The following PLXNA2 variants were observed in gnomAD, a reference collection of about 807,000 sequenced individuals.
PLXNA2 encodes the protein plexin A2.
PLXNA2 carries 91 observed loss-of-function variants against 193.5 expected under a neutral mutation model. The ratio of observed to expected loss-of-function variants is 0.47; its 90% CI spans 0.40 to 0.56. The LOEUF is 0.56. Among genes scored for constraint, PLXNA2 ranks in the 20% least tolerant of loss-of-function variants. PLXNA2 has a pLI of 0.00. For missense variants in PLXNA2, 1,995 were observed against 2,503.2 expected (o/e 0.80, Z 4.33); for synonymous variants, 997 against 1,027.3 (o/e 0.97, Z 0.56).
At chr1:208,080,598 C>T (rs1247715127) in intron 11 of PLXNA2, among the ~76,000 whole-genome samples, 10 of 152,306 alleles carry the variant, frequency 6.6e-5, no homozygotes, top group African/African-American at 2.2e-4. Flanking sequence ...AGGTCCTCAT[C>T]CTGTTCCTCT....
chr1:208,212,931 C>T (rs112149763), intron 2 of PLXNA2, among the ~76,000 whole-genome samples: 1 of 152,310 alleles, frequency 6.6e-6, no homozygotes, highest in African/African-American at 2.4e-5. Flanking sequence ...TCAGTTTTCT[C>T]ATCTGTAAAG....
intron 12 of PLXNA2, among the ~76,000 whole-genome samples, chr1:208,073,370 C>T (rs1406585344): frequency 6.6e-6 from 1 of 152,168 alleles, no homozygotes; most frequent in Admixed American, 6.5e-5. Context: ...GCCTGCAGGG[C>T]AGTCAGTTTC....
chr1:208,148,057 C>G lies in PLXNA2; in HGVS notation c.1372-5594G>C, dbSNP rs115065953. ...AAATAGTAACCCCATTAGTACCTTT[C>G]CTTTAAATCACAGCTATATCTGGAC... is the stretch of plus-strand genomic sequence containing the variant. On this transcript the variant is annotated intron_variant, in intron 3 of 31. Coordinates refer to ENST00000367033, the MANE Select transcript of PLXNA2 (RefSeq NM_025179.4). Among the ~76,000 whole-genome samples, 370 of 152,324 alleles carry G rather than the reference C, an allele frequency of 2.4e-3. 3 individuals carry two copies. Among genetic ancestry groups the G allele is most frequent in the Admixed American group, 6.5e-3 (100 of 15,302 alleles).
chr1:208,117,487 G>T (rs1025561407), intron 4 of PLXNA2, among the ~76,000 whole-genome samples: 7 of 152,186 alleles, frequency 4.6e-5, no homozygotes, highest in Non-Finnish European at 8.8e-5. Flanking sequence ...CTGTCCAAAA[G>T]ACCCCCTGGA....
At chr1:208,163,472 G>A (rs1366161287) in intron 3 of PLXNA2, among the ~76,000 whole-genome samples, 2 of 152,104 alleles carry the variant, frequency 1.3e-5, no homozygotes, top group Non-Finnish European at 2.9e-5. Flanking sequence ...GAGAGAGAGG[G>A]AGCAGTATGG....
chr1:208,169,776 G>A (rs553334164), intron 3 of PLXNA2, among the ~76,000 whole-genome samples: 389 of 152,204 alleles, frequency 2.6e-3, no homozygotes, highest in Non-Finnish European at 4.6e-3. Context: ...CGATTATGGT[G>A]CAAATCAAGT....
intron 4 of PLXNA2, among the ~76,000 whole-genome samples, chr1:208,138,354 G>A (rs1043880374): frequency 2.5e-4 from 38 of 152,334 alleles, no homozygotes; most frequent in Middle Eastern, 6.8e-3. Context: ...AGTGTTCTGA[G>A]CATGTTTAAG....
In PLXNA2 at chr1:208,165,933, C is replaced by T. The variant is rs574329876; in HGVS notation, c.1372-23470G>A. Reference sequence around the variant, plus strand: ...CTCCTCCCTCCTGCTCAGAAAGGTCCCCACTAAGGTTTGACTTCCTGCTAC... The same window carrying T: ...CTCCTCCCTCCTGCTCAGAAAGGTCTCCACTAAGGTTTGACTTCCTGCTAC... On this transcript the variant is annotated intron_variant, in intron 3 of 31. Coordinates refer to ENST00000367033, the MANE Select transcript of PLXNA2 (RefSeq NM_025179.4). Among the ~76,000 whole-genome samples, 11 of 152,284 alleles carry T rather than the reference C, an allele frequency of 7.2e-5. No homozygotes were observed. In the South Asian group the frequency reaches 2.3e-3, roughly 32 times the overall value.
chr1:208,076,496 C>T (rs918319464), intron 12 of PLXNA2, among the ~76,000 whole-genome samples: 15 of 152,144 alleles, frequency 9.9e-5, no homozygotes, highest in Admixed American at 2.0e-4. Flanking sequence ...TGCCCAGATT[C>T]GGCTTCTGAG....
intron 3 of PLXNA2, chr1:208,209,883 T>A (rs557603400): frequency 1.1e-3 from 276 of 249,148 alleles, no homozygotes; most frequent in African/African-American, 6.2e-3. Context: ...AAGACCAGTA[T>A]AATCAAGTTT....
At chr1:208,109,327 C>T (rs901198059) in intron 4 of PLXNA2, among the ~76,000 whole-genome samples, 2 of 152,188 alleles carry the variant, frequency 1.3e-5, no homozygotes, top group South Asian at 2.1e-4. Context: ...CCCCTTCACC[C>T]CTTCAGGTTT....
At chr1:208,110,569 G>T (rs956718065) in intron 4 of PLXNA2, among the ~76,000 whole-genome samples, 4 of 152,226 alleles carry the variant, frequency 2.6e-5, no homozygotes, top group Non-Finnish European at 5.9e-5. Context: ...CGCATGCCAG[G>T]CACGTCACAT....
rs369887084 is a variant in PLXNA2 at position 208,168,465 on chromosome 1, C to T, written c.1372-26002G>A. On this transcript the variant is annotated intron_variant, in intron 3 of 31. Transcript: ENST00000367033. ...ATAGGAGGTGCTCAGGAAATATTTA[C>T]TGAATAAATGAATGATATTCCATCT... 1.6e-4 allele frequency among the ~76,000 whole-genome samples: 25 copies of T among 152,282 alleles called. No individual in the cohort carries two copies. In the East Asian group the frequency reaches 3.9e-3, roughly 24 times the overall value.
chr1:208,045,772 T>C (rs1231558858), intron 18 of PLXNA2, 106 bp downstream of exon 18: 4 of 1,397,114 alleles, frequency 2.9e-6, no homozygotes, highest in Non-Finnish European at 3.9e-6. Context: ...GCAAGTTCAA[T>C]TGCATAGAAA....
rs776769661 is a variant in PLXNA2 at position 208,096,084 on chromosome 1, C to T, written c.1927G>A (p.Gly643Arg). 2 of 1,614,060 alleles carry T rather than the reference C, an allele frequency of 1.2e-6. No individual in the cohort carries two copies. The highest frequency in any genetic ancestry group is 1.3e-5 in the African/African-American group (1 of 74,930). Residue 643 changes from glycine to arginine, a missense_variant, in exon 8 of 32, where the codon GGG (glycine) becomes AGG (arginine). Around this residue, in one of 3 missense-constraint regions of PLXNA2, gnomAD observed 1,291 missense variants for 1,673.6 expected, o/e 0.77. Coordinates refer to ENST00000367033, the MANE Select transcript of PLXNA2 (RefSeq NM_025179.4). ...AACTCGGTGCTGACAAATATCTTCC[C>T]TGTCTCCTTGGACCTCAGCTGTAGC... ...LELQLRSKET[G>R]KIFVSTEFKF...
At chr1:208,134,305 A>T (rs557742524) in intron 4 of PLXNA2, among the ~76,000 whole-genome samples, 1 of 152,256 alleles carries the variant, frequency 6.6e-6, no homozygotes, top group African/African-American at 2.4e-5. Flanking sequence ...GTTCCTTGAC[A>T]TTTGAAATGG....
In PLXNA2 at chr1:208,049,295, T is replaced by G. The variant is rs1665176349; in HGVS notation, c.3255+1714A>C. Among the ~76,000 whole-genome samples, 4 of 138,160 alleles carry G rather than the reference T, an allele frequency of 2.9e-5. 1 individual carries two copies. The South Asian group carries it at 9.7e-4, about 34-fold the overall frequency. 90.6% of individuals were successfully genotyped at this position (138,160 alleles called of 152,430 possible). ...AAACCTATATTTTAAAACATGTACCTAATTTGCTTGCTTTTTTTTTTTTTT... is the reference window on the plus strand; with the variant it reads ...AAACCTATATTTTAAAACATGTACCGAATTTGCTTGCTTTTTTTTTTTTTT... On this transcript the variant is annotated intron_variant, in intron 17 of 31. Coordinates refer to ENST00000367033, the MANE Select transcript of PLXNA2 (RefSeq NM_025179.4).
chr1:208,234,781 G>A (rs2102643657), intron 1 of PLXNA2, among the ~76,000 whole-genome samples: 2 of 151,806 alleles, frequency 1.3e-5, no homozygotes, highest in South Asian at 2.1e-4. Flanking sequence ...CAAGAGACTG[G>A]AAAGAAAAGG....
At chr1:208,192,152 T>C (rs1670204138) in intron 3 of PLXNA2, among the ~76,000 whole-genome samples, 1 of 152,156 alleles carries the variant, frequency 6.6e-6, no homozygotes, top group Non-Finnish European at 1.5e-5. Flanking sequence ...CCTGACTTTG[T>C]CTCCCAGGTG....
Sources: gnomAD v4.1 joint callset for allele counts (sites outside exome capture counted in the v4.1 genomes callset) on GRCh38, gnomAD v4.1.1 for gene constraint, gnomAD v4.1.1 regional missense constraint, MANE v1.5 for transcripts, NCBI Gene and HGNC (gene_info 2026-07-23, HGNC 2026-07-21) for gene names.